Variants in LRRC7 observed in about 807,000 individuals in gnomAD.
The protein encoded by LRRC7 is leucine-rich repeat-containing protein 7.
In LRRC7, 23 loss-of-function variants were observed where a neutral mutation model predicts 175.7. That is an observed-to-expected ratio of 0.13 (90% CI 0.09 to 0.19). The LOEUF is 0.19. LRRC7 is among the 10% of genes least tolerant of loss of function. The probability of loss-of-function intolerance (pLI) is 1.00; values close to 1 mark genes in which losing one functional copy is unlikely to be tolerated. For missense variants in LRRC7, 1,354 were observed against 1,904.7 expected, an observed-to-expected ratio of 0.71 and a Z score of 5.38; for synonymous variants, 685 against 680.9, an observed-to-expected ratio of 1.01 and a Z score of -0.09.
intron 1 of LRRC7, among the ~76,000 whole-genome samples, chr1:69,605,903 G>GT (rs1054067551): frequency 6.6e-6 from 1 of 152,082 alleles, no homozygotes. Context: ...GGAAAATAAA[G>GT]TGTGCCAGAC....
At chr1:70,051,536 T>G (rs1660744007) in intron 22 of LRRC7, among the ~76,000 whole-genome samples, 1 of 152,064 alleles carries the variant, frequency 6.6e-6, no homozygotes, top group African/African-American at 2.4e-5. Flanking sequence ...AGTCGTTGAA[T>G]AGCTACCTGC....
At chr1:69,873,062 G>A (rs1409766368) in intron 7 of LRRC7, among the ~76,000 whole-genome samples, 1 of 152,106 alleles carries the variant, frequency 6.6e-6, no homozygotes, top group Non-Finnish European at 1.5e-5. Context: ...GCCTTAAACA[G>A]TATGCGTTAA....
chr1:69,717,826 GAAAGAAAGAAAGA>G (rs1665650110), intron 2 of LRRC7, among the ~76,000 whole-genome samples: 1 of 25,296 alleles, frequency 4.0e-5, no homozygotes, highest in African/African-American at 2.4e-4. Context: ...AAGAAAGAAA[GAAAGAAAGAAAGA>G]AAAAAGAAAG....
At chr1:69,682,221 C>G (rs768975233) in intron 2 of LRRC7, among the ~76,000 whole-genome samples, 70 of 152,048 alleles carry the variant, frequency 4.6e-4, no homozygotes, top group Admixed American at 1.4e-3. Flanking sequence ...CTTTTAAGTA[C>G]TTTCACCTGA....
rs774505641 is a variant in LRRC7, at chr1:69,990,116, G to GAAAAC, written c.931+3735_931+3739dup. Among the ~76,000 whole-genome samples the GAAAAC allele has an allele frequency of 1.7e-4, 26 of 152,032 alleles. 1 individual carries two copies. Among genetic ancestry groups the GAAAAC allele is most frequent in the Admixed American group, 1.4e-3 (22 of 15,260 alleles). On this transcript the variant is annotated intron_variant, in intron 10 of 26. Coordinates refer to ENST00000651989, the MANE Select transcript of LRRC7 (RefSeq NM_001370785.2). The stretch of plus-strand genomic sequence containing the variant: ...GCTCTTAAAAGATGTACTTTACTCA[G>GAAAAC]AAAACAAAAACAAACTCAGAAGGAA...
chr1:70,060,915 G>T (rs1482452412), intron 23 of LRRC7, among the ~76,000 whole-genome samples: 1 of 152,110 alleles, frequency 6.6e-6, no homozygotes, highest in Non-Finnish European at 1.5e-5. Context: ...CCCTCCCAAA[G>T]AAATGCATGT....
At chr1:70,094,535 A>G (rs1194899952) in intron 25 of LRRC7, among the ~76,000 whole-genome samples, 4 of 152,312 alleles carry the variant, frequency 2.6e-5, no homozygotes, top group Middle Eastern at 3.4e-3. Context: ...ATTACTATAA[A>G]TTATTTACAT....
intron 2 of LRRC7, among the ~76,000 whole-genome samples, chr1:69,705,859 A>G (rs950551331): frequency 9.2e-5 from 14 of 152,314 alleles, no homozygotes; most frequent in African/African-American, 2.4e-4. Flanking sequence ...TAACACTCTC[A>G]GAGGTAGGAA....
intron 1 of LRRC7, among the ~76,000 whole-genome samples, chr1:69,610,783 A>G (rs1026034500): frequency 6.6e-6 from 1 of 152,014 alleles, no homozygotes; most frequent in Admixed American, 6.6e-5. Context: ...TTTCACAAAC[A>G]TAAGAAAAAA....
chr1:69,573,629 G>A (rs886998112), intron 1 of LRRC7, among the ~76,000 whole-genome samples: 3 of 151,964 alleles, frequency 2.0e-5, no homozygotes, highest in African/African-American at 7.3e-5. Flanking sequence ...CCCTGGGGAG[G>A]CATCATATAT....
At chr1:69,942,793 C>A (rs1359252267) in intron 8 of LRRC7, among the ~76,000 whole-genome samples, 1 of 152,042 alleles carries the variant, frequency 6.6e-6, no homozygotes, top group African/African-American at 2.4e-5. Context: ...ATTTCTTTTA[C>A]TATGTAAGGT....
intron 12 of LRRC7, 29 bp downstream of exon 12, chr1:70,011,955 T>A: frequency 6.5e-7 from 1 of 1,526,764 alleles, no homozygotes; most frequent in Non-Finnish European, 9.0e-7. Context: ...TTCTATTTAT[T>A]AACTTTTAAT....
At chr1:69,781,688 GAAGAAAGAAAGAAAGA>G (rs1553155061) in intron 3 of LRRC7, among the ~76,000 whole-genome samples, 4 of 43,952 alleles carry the variant, frequency 9.1e-5, no homozygotes, top group East Asian at 1.2e-3. Context: ...TCAAAAAAAA[GAAGAAAGAAAGAAAGA>G]AAGAAAGAAA....
chr1:69,797,796 T>A (rs1675969578), intron 4 of LRRC7, among the ~76,000 whole-genome samples: 1 of 152,232 alleles, frequency 6.6e-6, no homozygotes, highest in Non-Finnish European at 1.5e-5. Context: ...ATATGTCATT[T>A]GAACTAGGGT....
chr1:70,012,673 A>T (rs550589024), intron 12 of LRRC7, among the ~76,000 whole-genome samples: 1 of 151,694 alleles, frequency 6.6e-6, no homozygotes, highest in Non-Finnish European at 1.5e-5. Context: ...TCACTTCGAC[A>T]GACAAAATTA....
At chr1:69,948,458 A>G (rs1649569523) in intron 8 of LRRC7, among the ~76,000 whole-genome samples, 2 of 152,046 alleles carry the variant, frequency 1.3e-5, no homozygotes, top group South Asian at 2.1e-4. Context: ...ACACAATTCT[A>G]TTTCCTCCAG....
chr1:69,649,206 C>T (rs568498307), intron 1 of LRRC7, among the ~76,000 whole-genome samples: 29 of 152,258 alleles, frequency 1.9e-4, no homozygotes, highest in African/African-American at 5.3e-4. Context: ...CTTTTTGTTG[C>T]CTCAGTTTAT....
At chr1:69,637,438 A>C (rs913752665) in intron 1 of LRRC7, among the ~76,000 whole-genome samples, 1 of 152,048 alleles carries the variant, frequency 6.6e-6, no homozygotes, top group South Asian at 2.1e-4. Context: ...TAGCAATACA[A>C]GACTGCTAGT....
At chr1:69,766,214 G>A (rs116245791) in intron 3 of LRRC7, among the ~76,000 whole-genome samples, 2 of 152,162 alleles carry the variant, frequency 1.3e-5, no homozygotes, top group African/African-American at 4.8e-5. Flanking sequence ...ATTTTATTAC[G>A]CTCATGAAGC....
Sources: allele counts gnomAD v4.1 joint callset (sites outside exome capture counted in the v4.1 genomes callset), GRCh38; gene constraint gnomAD v4.1.1; transcripts MANE v1.5; gene names NCBI Gene and HGNC (gene_info 2026-07-23, HGNC 2026-07-21).